Variants in LYPLAL1 observed in about 807,000 individuals in gnomAD.
LYPLAL1 encodes lysophospholipase like 1.
A neutral mutation model predicts 19.7 loss-of-function variants in LYPLAL1; 23 were observed. That is an observed-to-expected ratio of 1.17 (90% confidence interval 0.84 to 1.65). LYPLAL1 has a LOEUF of 1.65. Ranked by LOEUF, LYPLAL1 falls within the 40% of genes most tolerant of loss-of-function variation. LYPLAL1 has a pLI of 0.00. For missense variants in LYPLAL1, 355 were observed against 279.4 expected, an observed-to-expected ratio of 1.27 and a Z score of -1.93; for synonymous variants, 119 against 96.3, an observed-to-expected ratio of 1.24 and a Z score of -1.38.
chr1:219,339,973 A>G, the LYPLAL1 span, among the ~76,000 whole-genome samples: 1 of 152,032 alleles, frequency 6.6e-6, no homozygotes, highest in Admixed American at 6.6e-5. Flanking sequence ...TCCCTTTCCA[A>G]TGCAGGAATT....
At chr1:219,188,553 G>T (rs1656906034) in intron 2 of LYPLAL1, among the ~76,000 whole-genome samples, 1 of 151,664 alleles carries the variant, frequency 6.6e-6, no homozygotes, top group East Asian at 1.9e-4. Context: ...GAGAGAAGTG[G>T]TATGAAATGA....
the LYPLAL1 span, among the ~76,000 whole-genome samples, chr1:219,438,028 A>G: frequency 6.6e-5 from 10 of 152,060 alleles, no homozygotes; most frequent in Admixed American, 2.6e-4. Flanking sequence ...CGGCCTCCCA[A>G]AGTGCTGGGA....
intron 1 of LYPLAL1, among the ~76,000 whole-genome samples, chr1:219,177,364 T>C (rs1655903201): frequency 6.6e-6 from 1 of 152,214 alleles, no homozygotes; most frequent in African/African-American, 2.4e-5. Context: ...TCTCTCTTTT[T>C]GAGAAAGGAG....
chr1:219,394,670 G>T, the LYPLAL1 span, among the ~76,000 whole-genome samples: 26 of 152,178 alleles, frequency 1.7e-4, no homozygotes, highest in Admixed American at 5.9e-4. Context: ...ATATGTGCAG[G>T]TTTGTTATAT....
chr1:219,428,526 AT>A, the LYPLAL1 span, among the ~76,000 whole-genome samples: 6 of 152,064 alleles, frequency 3.9e-5, no homozygotes, highest in Non-Finnish European at 8.8e-5. Flanking sequence ...TACTTCCTGT[AT>A]TTTTTTCAGT....
the LYPLAL1 span, among the ~76,000 whole-genome samples, chr1:219,396,431 C>G: frequency 1.3e-5 from 2 of 152,088 alleles, no homozygotes; most frequent in African/African-American, 4.8e-5. Flanking sequence ...TCTTTTGGTT[C>G]CATATGAATT....
chr1:219,241,134 C>CTCTCTCTCTCTCTCTCTATATATA, the LYPLAL1 span, among the ~76,000 whole-genome samples: 2 of 44,368 alleles, frequency 4.5e-5, no homozygotes, highest in African/African-American at 8.0e-5. Context: ...CTCTCTCTCT[C>CTCTCTCTCTCTCTCTCTATATATA]TATATATATA....
chr1:219,251,584 T>C, the LYPLAL1 span, among the ~76,000 whole-genome samples: 1 of 152,030 alleles, frequency 6.6e-6, no homozygotes, highest in African/African-American at 2.4e-5. Flanking sequence ...GATCAGATGG[T>C]TGTAAATGTG....
At chr1:219,342,298 G>C in the LYPLAL1 span, among the ~76,000 whole-genome samples, 1 of 152,080 alleles carries the variant, frequency 6.6e-6, no homozygotes, top group Non-Finnish European at 1.5e-5. Flanking sequence ...CTTTAGGAGG[G>C]AGATAGAGAT....
chr1:219,175,111 A>G, intron 1 of LYPLAL1: 4 of 985,124 alleles, frequency 4.1e-6, no homozygotes, highest in Non-Finnish European at 4.8e-6. Flanking sequence ...TATTCTCTTT[A>G]TTTTGAAAAT....
At chr1:219,430,627 T>G in the LYPLAL1 span, among the ~76,000 whole-genome samples, 6 of 152,350 alleles carry the variant, frequency 3.9e-5, no homozygotes, top group South Asian at 1.2e-3. Flanking sequence ...TCATTCTTTC[T>G]TATTCCATGT....
chr1:219,262,952 AGTTG>A, the LYPLAL1 span, among the ~76,000 whole-genome samples: 3 of 152,088 alleles, frequency 2.0e-5, no homozygotes, highest in African/African-American at 2.4e-5. Context: ...TAATGGTTTG[AGTTG>A]GTTGGCCTCT....
intron 2 of LYPLAL1, among the ~76,000 whole-genome samples, chr1:219,189,895 G>A (rs903637960): frequency 2.0e-5 from 3 of 151,570 alleles, no homozygotes; most frequent in African/African-American, 7.3e-5. Context: ...AACAATAGAT[G>A]CCTGAGAATA....
chr1:219,276,301 C>A, the LYPLAL1 span, among the ~76,000 whole-genome samples: 1 of 151,948 alleles, frequency 6.6e-6, no homozygotes, highest in African/African-American at 2.4e-5. Context: ...AGCTTCACAT[C>A]TGGTAAATTA....
the LYPLAL1 span, among the ~76,000 whole-genome samples, chr1:219,358,104 A>G: frequency 6.6e-6 from 1 of 152,002 alleles, no homozygotes; most frequent in African/African-American, 2.4e-5. Context: ...TATTGACAAA[A>G]CTCATGAAAC....
the LYPLAL1 span, among the ~76,000 whole-genome samples, chr1:219,427,446 T>C: frequency 3.9e-5 from 6 of 152,238 alleles, no homozygotes; most frequent in African/African-American, 1.2e-4. Flanking sequence ...TATGCAGTCA[T>C]CCTGTGTGTG....
the LYPLAL1 span, among the ~76,000 whole-genome samples, chr1:219,404,985 G>A: frequency 6.6e-6 from 1 of 152,032 alleles, no homozygotes; most frequent in Non-Finnish European, 1.5e-5. Flanking sequence ...ACATCAAACT[G>A]GAAAAAAATG....
At chr1:219,347,667 A>T in the LYPLAL1 span, among the ~76,000 whole-genome samples, 1 of 152,162 alleles carries the variant, frequency 6.6e-6, no homozygotes, top group Non-Finnish European at 1.5e-5. Context: ...TTATTTTTTT[A>T]TTAAGAGGTG....
the LYPLAL1 span, among the ~76,000 whole-genome samples, chr1:219,366,182 A>G: frequency 6.6e-6 from 1 of 152,126 alleles, no homozygotes; most frequent in Non-Finnish European, 1.5e-5. Context: ...AAAACTCACT[A>G]ACCTGCCCCA....
Sources: allele counts gnomAD v4.1 joint callset (sites outside exome capture counted in the v4.1 genomes callset), GRCh38; gene constraint gnomAD v4.1.1; transcripts MANE v1.5; gene names NCBI Gene and HGNC (gene_info 2026-07-23, HGNC 2026-07-21).